FMO5: variants seen among roughly 807,000 people sequenced by gnomAD.
FMO5 encodes flavin-containing monooxygenase 5.
A neutral mutation model predicts 43.6 loss-of-function variants in FMO5; 51 were observed. The ratio of observed to expected loss-of-function variants is 1.17; its 90% CI spans 0.93 to 1.48. FMO5 has a LOEUF of 1.48. FMO5 is among the 40% of genes most tolerant of loss of function. The pLI is 0.00. For synonymous variants in FMO5, 187 were observed against 216.5 expected, an observed-to-expected ratio of 0.86 and a Z score of 1.20; for missense variants, 644 against 643.0, an observed-to-expected ratio of 1.00 and a Z score of -0.02.
Position 147,190,196 on chromosome 1 carries a change from G to A in FMO5, c.1237C>T (p.Gln413Ter), listed in dbSNP as rs781910024. ...TCTTACCTTTTGTCAATTTCCTCTT[G>A]AGCTTTAGATATTTCTGCCATCATT... ...SEMMAEISKA[Q>*]EEIDKRYVES... Residue 413 changes from glutamine to a stop codon, truncating the protein, a stop_gained, in exon 8 of 9, where the codon CAA becomes TAA. Coordinates refer to ENST00000254090, the MANE Select transcript of FMO5 (RefSeq NM_001461.4). LOFTEE classifies it low-confidence loss of function (END_TRUNC). 1 of 1,609,942 alleles carries A rather than the reference G, an allele frequency of 6.2e-7. No individual in the cohort carries two copies.
chr1:147,202,055 T>C (rs1014252134), intron 6 of FMO5, among the ~76,000 whole-genome samples: 1 of 152,182 alleles, frequency 6.6e-6, no homozygotes, highest in Non-Finnish European at 1.5e-5. Context: ...GTTTTATAAA[T>C]GAGGGAATTG....
At position 147,187,049 on chromosome 1, in the gene FMO5, G is replaced by A. The variant is rs916036504; in HGVS notation, c.1453C>T (p.Arg485Ter). ...VQGPGKWDGARKAILTTDDRI... is the reference protein window; with the variant it reads ...VQGPGKWDGA ...TCATCTGTGGTGAGGATAGCTTTTC[G>A]AGCCCCATCCCACTTTCCAGGGCCC... Residue 485 changes from arginine (R) to a stop codon, truncating the protein, a stop_gained, in exon 9 of 9, where the codon CGA becomes TGA. Coordinates refer to ENST00000254090, the MANE Select transcript of FMO5 (RefSeq NM_001461.4). LOFTEE classifies it low-confidence loss of function (END_TRUNC). 1 of 1,613,930 alleles carries A rather than the reference G, an allele frequency of 6.2e-7. No individual in the cohort carries two copies. Among genetic ancestry groups the A allele is most frequent in the Admixed American group, 1.7e-5 (1 of 59,980 alleles).
intron 2 of FMO5, among the ~76,000 whole-genome samples, chr1:147,216,229 A>G (rs1661970693): frequency 6.6e-6 from 1 of 152,182 alleles, no homozygotes; most frequent in South Asian, 2.1e-4. Flanking sequence ...GCTCTGGTAG[A>G]AGCTAGCAGC....
chr1:147,217,944 A>C (rs1021895931), intron 2 of FMO5, among the ~76,000 whole-genome samples: 3 of 152,226 alleles, frequency 2.0e-5, no homozygotes, highest in African/African-American at 7.2e-5. Context: ...AATAGCACTC[A>C]ATAAATGTTT....
intron 8 of FMO5, among the ~76,000 whole-genome samples, chr1:147,189,859 G>T (rs28381219): frequency 1.3e-5 from 2 of 152,070 alleles, no homozygotes; most frequent in Non-Finnish European, 2.9e-5. Context: ...AAGTCTACTA[G>T]CACTTCAAGT....
In FMO5 at chr1:147,187,016, T is replaced by C; in HGVS notation, c.1486A>G (p.Arg496Gly). ...ACTACTCTTGTCATCAGAGGCTTCC[T>C]GATGCGATCATCTGTGGTGAGGATA... ...KAILTTDDRIRKPLMTRVVER... is the reference protein window; with the variant it reads ...KAILTTDDRIGKPLMTRVVER... Residue 496 changes from arginine (R) to glycine (G), a missense_variant, in exon 9 of 9, where the codon AGG becomes GGG. Arg to Gly is a moderately radical substitution (Grantham distance 125, BLOSUM62 -2). Transcript: ENST00000254090. The C allele has an allele frequency of 6.2e-7, 1 of 1,614,222 alleles. No homozygotes were observed. The highest frequency in any genetic ancestry group is 8.5e-7 in the Non-Finnish European group (1 of 1,180,036).
At chr1:147,195,701 G>A (rs937231161) in intron 7 of FMO5, among the ~76,000 whole-genome samples, 3 of 152,066 alleles carry the variant, frequency 2.0e-5, no homozygotes, top group Non-Finnish European at 4.4e-5. Flanking sequence ...CTATAACTAG[G>A]GACTATGCCA....
chr1:147,208,437 TTCTTTTC>T (rs1660474635), intron 6 of FMO5: 1 of 29,288 alleles, frequency 3.4e-5, no homozygotes, highest in African/African-American at 1.5e-4. Context: ...TTCTTTTCTT[TTCTTTTC>T]TTTTTTTTTT....
chr1:147,215,550 C>A (rs1553924791), intron 3 of FMO5: 1 of 497,922 alleles, frequency 2.0e-6, no homozygotes, highest in African/African-American at 2.0e-5. Flanking sequence ...CCTGTATCTG[C>A]AGCCAAAATA....
intron 2 of FMO5, chr1:147,224,072 T>C (rs1663560559): frequency 2.7e-6 from 1 of 371,026 alleles, no homozygotes; most frequent in Admixed American, 3.2e-5. Flanking sequence ...GCCTGCCCTG[T>C]GTCCCAAAAT....
intron 6 of FMO5, chr1:147,203,769 C>G: frequency 6.5e-7 from 1 of 1,535,708 alleles, no homozygotes; most frequent in Non-Finnish European, 9.0e-7. Context: ...ACTGCCCTTT[C>G]TATGTCATCC....
At chr1:147,207,448 C>G (rs1553922645) in intron 6 of FMO5, among the ~76,000 whole-genome samples, 2 of 152,158 alleles carry the variant, frequency 1.3e-5, no homozygotes, top group African/African-American at 4.8e-5. Flanking sequence ...AATGTTTTCC[C>G]TCCCTGGTTC....
At chr1:147,184,366 A>G (rs1655438511), downstream of FMO5, 1 of 1,035,680 alleles carries the variant, frequency 9.7e-7, no homozygotes, top group African/African-American at 1.6e-5. This position sits in a 1 kb window ranked among gnomAD's most constrained non-coding sequence, Gnocchi z 4.4. Flanking sequence ...ATTTGTCACA[A>G]CTAATAAACC....
chr1:147,214,235 C>T (rs908413063), intron 3 of FMO5, among the ~76,000 whole-genome samples: 3 of 151,846 alleles, frequency 2.0e-5, no homozygotes, highest in East Asian at 1.9e-4. Context: ...GTGAATCACC[C>T]GAGGTCAGGA....
intron 5 of FMO5, among the ~76,000 whole-genome samples, chr1:147,212,170 G>A (rs1255323694): frequency 6.6e-6 from 1 of 152,220 alleles, no homozygotes; most frequent in Non-Finnish European, 1.5e-5. Flanking sequence ...TCCTTGGTGT[G>A]AGGCTAGTTG....
Position 147,186,956 on chromosome 1 carries a change from T to C in FMO5, c.1546A>G (p.Ile516Val), listed in dbSNP as rs1553917228. 1 of 1,614,200 alleles carries C rather than the reference T, an allele frequency of 6.2e-7. No homozygotes were observed. The highest frequency in any genetic ancestry group is 1.3e-5 in the African/African-American group (1 of 75,052). The change falls in exon 9 of 9, where the codon ATA becomes GTA. Residue 516 changes from isoleucine to valine, a missense_variant. Physicochemically the swap from Ile to Val is conservative, Grantham distance 29 (BLOSUM62 3). Transcript: ENST00000254090. Reference protein sequence around the residue: ...RSSSMTSTMTIGKFMLALAFF... With the variant: ...RSSSMTSTMTVGKFMLALAFF... ...GCAAGAGCTAGCATAAACTTGCCTATTGTCATTGTTGAAGTCATAGAACTA... is the reference window on the plus strand; with the variant it reads ...GCAAGAGCTAGCATAAACTTGCCTACTGTCATTGTTGAAGTCATAGAACTA...
intron 2 of FMO5, among the ~76,000 whole-genome samples, chr1:147,219,840 C>CTTTTTTTTT (rs71083821): frequency 7.5e-6 from 1 of 132,898 alleles, no homozygotes; most frequent in Non-Finnish European, 1.6e-5. Flanking sequence ...ATGTTAATTG[C>CTTTTTTTTT]TTTTTTTTTT....
intron 6 of FMO5, among the ~76,000 whole-genome samples, chr1:147,206,637 A>G (rs1660104075): frequency 6.6e-6 from 1 of 152,158 alleles, no homozygotes; most frequent in South Asian, 2.1e-4. Flanking sequence ...GCTAGAAACC[A>G]TCATTCTCAG....
intron 6 of FMO5, among the ~76,000 whole-genome samples, chr1:147,205,743 T>G (rs904227794): frequency 6.6e-6 from 1 of 152,148 alleles, no homozygotes; most frequent in African/African-American, 2.4e-5. Flanking sequence ...ATCCCTTCCT[T>G]ACACCTTATA....
Sources: gnomAD v4.1 joint callset for allele counts (sites outside exome capture counted in the v4.1 genomes callset) on GRCh38, gnomAD v4.1.1 for gene constraint, Gnocchi (gnomAD v3.1) non-coding constraint, MANE v1.5 for transcripts, NCBI Gene and HGNC (gene_info 2026-07-23, HGNC 2026-07-21) for gene names.